ITFG1: variants seen among roughly 807,000 people sequenced by gnomAD.
ITFG1 encodes integrin alpha FG-GAP repeat containing 1.
A neutral mutation model predicts 81.8 loss-of-function variants in ITFG1; 34 were observed. That is an observed-to-expected ratio of 0.42 (90% CI 0.32 to 0.55). The LOEUF (loss-of-function observed/expected upper bound fraction) is 0.55. Ranked by LOEUF, ITFG1 falls within the 20% of genes least tolerant of loss-of-function variation. The pLI is 0.17. For missense variants in ITFG1, 672 were observed against 755.4 expected, an observed-to-expected ratio of 0.89 and a Z score of 1.29; for synonymous variants, 285 against 270.6, an observed-to-expected ratio of 1.05 and a Z score of -0.52.
At chr16:47,445,902 C>T (rs142499635) in intron 5 of ITFG1, among the ~76,000 whole-genome samples, 235 of 152,194 alleles carry the variant, frequency 1.5e-3, no homozygotes, top group Admixed American at 3.3e-3. Context: ...GGTACAAGAA[C>T]GAAGGCAAAA....
intron 10 of ITFG1, among the ~76,000 whole-genome samples, chr16:47,271,033 ATAAG>A (rs1966333530): frequency 6.6e-6 from 1 of 152,212 alleles, no homozygotes; most frequent in African/African-American, 2.4e-5. Flanking sequence ...ACCTTTAAAG[ATAAG>A]TAATTTACTC....
rs543848443 is a variant in ITFG1, at chr16:47,228,187, T to C, written c.1375-9241A>G. Among the ~76,000 whole-genome samples the C allele has an allele frequency of 5.9e-5, 9 of 152,284 alleles. No individual in the cohort carries two copies. In the East Asian group the frequency reaches 1.5e-3, roughly 26 times the overall value. ...ATGATATCACCACTGTCAGGTGTGA[T>C]AAAAGAAAGGCAAACAGAATTAAGG... is the stretch of plus-strand genomic sequence containing the variant. On this transcript the variant is annotated intron_variant, in intron 13 of 17. Coordinates refer to ENST00000320640, the MANE Select transcript of ITFG1 (RefSeq NM_030790.5).
At chr16:47,230,322 G>A (rs1596821780) in intron 13 of ITFG1, among the ~76,000 whole-genome samples, 2 of 152,304 alleles carry the variant, frequency 1.3e-5, no homozygotes, top group Non-Finnish European at 2.9e-5. Flanking sequence ...TTCGGTAAGT[G>A]TTGGCAGTAT....
chr16:47,204,721 T>C (rs1424243682), intron 14 of ITFG1, among the ~76,000 whole-genome samples: 1 of 152,206 alleles, frequency 6.6e-6, no homozygotes, highest in African/African-American at 2.4e-5. Flanking sequence ...TTAAGGTGCA[T>C]GCATCAACTG....
chr16:47,366,595 C>T (rs1403884426), intron 7 of ITFG1, among the ~76,000 whole-genome samples: 1 of 152,090 alleles, frequency 6.6e-6, no homozygotes, highest in Non-Finnish European at 1.5e-5. Flanking sequence ...ATTGCCTTTC[C>T]CTTCTTAATT....
At chr16:47,297,229 T>A (rs1038570116) in intron 10 of ITFG1, among the ~76,000 whole-genome samples, 9 of 152,178 alleles carry the variant, frequency 5.9e-5, no homozygotes, top group African/African-American at 2.2e-4. Flanking sequence ...CTGATATGAA[T>A]ATAGTTACTC....
chr16:47,313,730 T>C lies in ITFG1; in HGVS notation c.896A>G (p.Gln299Arg). Residue 299 changes from glutamine (Q) to arginine (R), a missense_variant and splice_region_variant, in exon 9 of 18, where the codon CAG becomes CGG. By Grantham distance (43) the Gln-to-Arg change is conservative. This residue lies in a region of ITFG1 where 560 missense variants were observed against 625.7 expected (regional missense o/e 0.90). Transcript: ENST00000320640. ...TIYLVRSGMK[Q>R]WVPVLQDFSN... ...TACATTAAAAACAACTTGATATACCTGCTTCATCCCAGATCTCACTAAGTA... is the reference window on the plus strand; with the variant it reads ...TACATTAAAAACAACTTGATATACCCGCTTCATCCCAGATCTCACTAAGTA... The C allele has an allele frequency of 6.5e-7, 1 of 1,538,948 alleles. No individual in the cohort carries two copies. Among genetic ancestry groups the C allele is most frequent in the Non-Finnish European group, 8.9e-7 (1 of 1,125,680 alleles).
chr16:47,315,019 T>A (rs1284365585), intron 8 of ITFG1, among the ~76,000 whole-genome samples: 2 of 152,260 alleles, frequency 1.3e-5, no homozygotes, highest in Admixed American at 6.5e-5. Context: ...GACTTCAGCA[T>A]GGAAAATTAA....
At chr16:47,294,155 G>C (rs1029243044) in intron 10 of ITFG1, among the ~76,000 whole-genome samples, 5 of 152,062 alleles carry the variant, frequency 3.3e-5, no homozygotes, top group African/African-American at 1.2e-4. Context: ...TCTTAACAAA[G>C]ATCAGTTAAC....
chr16:47,249,801 A>C (rs1314391521), intron 12 of ITFG1, among the ~76,000 whole-genome samples: 1 of 152,220 alleles, frequency 6.6e-6, no homozygotes, highest in Non-Finnish European at 1.5e-5. Context: ...TTTGGCTTCT[A>C]GCATTGTGAT....
intron 6 of ITFG1, among the ~76,000 whole-genome samples, chr16:47,376,218 T>C (rs1279331360): frequency 6.6e-6 from 1 of 152,168 alleles, no homozygotes; most frequent in African/African-American, 2.4e-5. Flanking sequence ...ATCATGTGCC[T>C]TTTAATCTTT....
chr16:47,237,899 T>C, intron 13 of ITFG1, 66 bp downstream of exon 13: 1 of 713,700 alleles, frequency 1.4e-6, no homozygotes, highest in South Asian at 1.7e-5. Context: ...AACAACTATT[T>C]TGTGTGTGTC....
chr16:47,303,755 C>T (rs980551318), intron 10 of ITFG1, among the ~76,000 whole-genome samples: 2 of 152,136 alleles, frequency 1.3e-5, no homozygotes, highest in African/African-American at 4.8e-5. Flanking sequence ...TCCTGAGTCC[C>T]TAGGAACACA....
chr16:47,454,734 ATT>A (rs1969430995), intron 2 of ITFG1, among the ~76,000 whole-genome samples: 1 of 152,010 alleles, frequency 6.6e-6, no homozygotes, highest in Non-Finnish European at 1.5e-5. Flanking sequence ...GTATATTTTT[ATT>A]TTTTCCTTTT....
At chr16:47,161,994 C>A (rs912901535) in intron 15 of ITFG1, among the ~76,000 whole-genome samples, 162 bp from the exon 16 acceptor site, 1 of 152,026 alleles carries the variant, frequency 6.6e-6, no homozygotes, top group Non-Finnish European at 1.5e-5. Flanking sequence ...GGCTTTTGTG[C>A]CATCTGTTGG....
chr16:47,157,090 T>C (rs1964723442), intron 17 of ITFG1, among the ~76,000 whole-genome samples: 1 of 152,128 alleles, frequency 6.6e-6, no homozygotes, highest in African/African-American at 2.4e-5. Context: ...GCAGAGTCCA[T>C]AGGCAAGTGA....
intron 5 of ITFG1, among the ~76,000 whole-genome samples, 178 bp from the exon 6 acceptor site, chr16:47,429,076 C>T (rs1357411112): frequency 2.6e-5 from 4 of 152,124 alleles, no homozygotes; most frequent in African/African-American, 9.7e-5. Context: ...AGTGTACAAT[C>T]GTCACTACTA....
chr16:47,242,107 T>C (rs188368039), intron 12 of ITFG1, among the ~76,000 whole-genome samples: 86 of 152,196 alleles, frequency 5.7e-4, no homozygotes, highest in Admixed American at 2.1e-3. Flanking sequence ...AAATGGGTCA[T>C]GATGCGGTAT....
chr16:47,247,618 T>C (rs1387002660), intron 12 of ITFG1, among the ~76,000 whole-genome samples: 1 of 152,204 alleles, frequency 6.6e-6, no homozygotes, highest in African/African-American at 2.4e-5. Context: ...GCAAATCACT[T>C]CACCTCTCTC....
Sources: gnomAD v4.1 joint callset for allele counts (sites outside exome capture counted in the v4.1 genomes callset) on GRCh38, gnomAD v4.1.1 for gene constraint, gnomAD v4.1.1 regional missense constraint, MANE v1.5 for transcripts, NCBI Gene and HGNC (gene_info 2026-07-23, HGNC 2026-07-21) for gene names.